The following ARHGAP15 variants were observed in gnomAD, a reference collection of about 807,000 sequenced individuals.
ARHGAP15 encodes rho GTPase-activating protein 15.
ARHGAP15 carries 51 observed loss-of-function variants against 63.7 expected under a neutral mutation model. The observed-to-expected ratio is 0.80, with a 90% CI of 0.64 to 1.01. The LOEUF is 1.01. Among genes scored for constraint, ARHGAP15 ranks in the 50% least tolerant of loss-of-function variants. ARHGAP15 has a pLI of 0.00. For missense variants in ARHGAP15, 560 were observed against 564.6 expected (o/e 0.99, Z 0.08); for synonymous variants, 191 against 193.8 (o/e 0.99, Z 0.12).
At chr2:143,344,184 A>G (rs1227930306) in intron 6 of ARHGAP15, 1 of 152,110 alleles carries the variant, frequency 6.6e-6, no homozygotes, top group Non-Finnish European at 1.5e-5. Flanking sequence ...TAGTTTTCTC[A>G]GATGGTTGTT....
At chr2:143,680,247 C>A (rs1359225944) in intron 12 of ARHGAP15, among the ~76,000 whole-genome samples, 1 of 152,140 alleles carries the variant, frequency 6.6e-6, no homozygotes, top group Admixed American at 6.5e-5. Context: ...AATTGTTCTG[C>A]ATTTTGACAG....
chr2:143,749,681 T>A (rs1189542933), intron 13 of ARHGAP15, among the ~76,000 whole-genome samples: 1 of 152,192 alleles, frequency 6.6e-6, no homozygotes, highest in Admixed American at 6.5e-5. Flanking sequence ...GGGATAGGAG[T>A]AATTATTTTA....
At chr2:143,147,257 T>C (rs1482453483) in intron 1 of ARHGAP15, among the ~76,000 whole-genome samples, 1 of 152,086 alleles carries the variant, frequency 6.6e-6, no homozygotes, top group African/African-American at 2.4e-5. Flanking sequence ...CTGTGGCTGC[T>C]GAGCAACTTG....
intron 10 of ARHGAP15, among the ~76,000 whole-genome samples, chr2:143,553,352 T>C (rs762984725): frequency 1.3e-5 from 2 of 152,190 alleles, no homozygotes; most frequent in African/African-American, 4.8e-5. Context: ...ATGTCAGAGA[T>C]CATTATCACT....
chr2:143,724,004 T>C (rs1685174385), intron 13 of ARHGAP15, among the ~76,000 whole-genome samples: 1 of 152,170 alleles, frequency 6.6e-6, no homozygotes, highest in Non-Finnish European at 1.5e-5. Flanking sequence ...TCTCAGCCAC[T>C]GTTTTATCAC....
rs1384663117 is a variant in ARHGAP15, at chr2:143,211,461, C to A, written c.235-4923C>A. ...CTTTAATAGAAATCATTGAAACAGA[C>A]AAGATTAACAGCAAAGTACTATGAT... On this transcript the variant is annotated intron_variant, in intron 3 of 13. Transcript: ENST00000295095. Among the ~76,000 whole-genome samples, 4 of 151,966 alleles carry A rather than the reference C, an allele frequency of 2.6e-5. No homozygotes were observed. The East Asian group carries it at 5.8e-4, about 22-fold the overall frequency.
intron 11 of ARHGAP15, among the ~76,000 whole-genome samples, chr2:143,563,716 A>G (rs1696115361): frequency 6.6e-6 from 1 of 152,198 alleles, no homozygotes; most frequent in South Asian, 2.1e-4. Context: ...CATCACCATC[A>G]TCATCATCAC....
intron 10 of ARHGAP15, among the ~76,000 whole-genome samples, chr2:143,555,115 GA>G (rs1484829463): frequency 6.6e-6 from 1 of 152,118 alleles, no homozygotes; most frequent in Non-Finnish European, 1.5e-5. Context: ...TATAGTGAAT[GA>G]TTGTCTTAAA....
chr2:143,470,872 G>GTA (rs1308750068), intron 8 of ARHGAP15, among the ~76,000 whole-genome samples: 32 of 148,310 alleles, frequency 2.2e-4, no homozygotes, highest in South Asian at 8.5e-4. Context: ...ATGTGTGTGT[G>GTA]TATATATATA....
At chr2:143,549,953 C>A (rs927600921) in intron 10 of ARHGAP15, among the ~76,000 whole-genome samples, 1 of 152,088 alleles carries the variant, frequency 6.6e-6, no homozygotes, top group Non-Finnish European at 1.5e-5. Context: ...TACCCATGAC[C>A]ACTGTTTAAT....
Position 143,682,414 on chromosome 2 carries a change from G to C in ARHGAP15, c.1139-21005G>C, listed in dbSNP as rs902507119. The stretch of plus-strand genomic sequence containing the variant: ...GAGAATCATAAATAATATAAAATCA[G>C]CAATGAATGTGACTTTAAGAAATAG... On this transcript the variant is annotated intron_variant, in intron 12 of 13. Transcript: ENST00000295095. 5.3e-5 allele frequency among the ~76,000 whole-genome samples: 8 copies of C among 152,002 alleles called. No homozygotes were observed. In the East Asian group the frequency reaches 1.4e-3, roughly 26 times the overall value.
At chr2:143,200,399 A>G (rs1241143489) in intron 2 of ARHGAP15, among the ~76,000 whole-genome samples, 2 of 151,050 alleles carry the variant, frequency 1.3e-5, no homozygotes, top group African/African-American at 4.9e-5. Context: ...TGGTAGAACA[A>G]TTCTCTCAAA....
intron 8 of ARHGAP15, among the ~76,000 whole-genome samples, chr2:143,476,422 CTG>C (rs1468210121): frequency 6.6e-6 from 1 of 152,110 alleles, no homozygotes; most frequent in African/African-American, 2.4e-5. Context: ...AATAATAAAA[CTG>C]TACAATATGT....
chr2:143,573,371 A>C (rs1574651163), intron 11 of ARHGAP15, among the ~76,000 whole-genome samples: 1 of 152,198 alleles, frequency 6.6e-6, no homozygotes, highest in East Asian at 1.9e-4. Context: ...ATACTCCCAA[A>C]TATGTTCCAC....
intron 6 of ARHGAP15, among the ~76,000 whole-genome samples, chr2:143,416,551 T>C (rs1688687529): frequency 6.6e-6 from 1 of 152,208 alleles, no homozygotes; most frequent in Non-Finnish European, 1.5e-5. Flanking sequence ...TTTGTTGTTG[T>C]TGTCAATTTG....
intron 12 of ARHGAP15, among the ~76,000 whole-genome samples, chr2:143,644,134 C>T (rs753795223): frequency 2.0e-5 from 3 of 151,898 alleles, no homozygotes; most frequent in Non-Finnish European, 4.4e-5. Flanking sequence ...AATGAAGATC[C>T]GAAGACCTAG....
intron 8 of ARHGAP15, among the ~76,000 whole-genome samples, chr2:143,445,785 T>C (rs1690108996): frequency 6.6e-6 from 1 of 152,186 alleles, no homozygotes; most frequent in South Asian, 2.1e-4. Flanking sequence ...GATTCATAGT[T>C]ATTCTTGCAG....
At chr2:143,271,412 C>T (rs912321024) in intron 6 of ARHGAP15, among the ~76,000 whole-genome samples, 1 of 152,222 alleles carries the variant, frequency 6.6e-6, no homozygotes, top group Non-Finnish European at 1.5e-5. Flanking sequence ...AGGATTTCTT[C>T]TCTTCTAACT....
chr2:143,416,818 A>ACCCCC (rs1558957067), intron 6 of ARHGAP15, among the ~76,000 whole-genome samples: 93 of 96,376 alleles, frequency 9.6e-4, no homozygotes, highest in East Asian at 1.9e-3. Context: ...CACTTCCCCC[A>ACCCCC]CCACCCCCCC....
Sources: gnomAD v4.1 joint callset for allele counts (sites outside exome capture counted in the v4.1 genomes callset) on GRCh38, gnomAD v4.1.1 for gene constraint, MANE v1.5 for transcripts, NCBI Gene and HGNC (gene_info 2026-07-23, HGNC 2026-07-21) for gene names.